BAZ1A: variants seen among roughly 807,000 people sequenced by gnomAD.
BAZ1A encodes bromodomain adjacent to zinc finger domain 1A, also known as bromodomain adjacent to zinc finger domain protein 1A.
A neutral mutation model predicts 185.2 loss-of-function variants in BAZ1A; 50 were observed. The observed-to-expected ratio is 0.27, with a 90% CI of 0.22 to 0.34. The LOEUF is 0.34. Among genes scored for constraint, BAZ1A ranks in the 10% least tolerant of loss-of-function variants. The probability of loss-of-function intolerance (pLI) is 1.00; values close to 1 mark genes in which losing one functional copy is unlikely to be tolerated. For synonymous variants in BAZ1A, 571 were observed against 615.6 expected, an observed-to-expected ratio of 0.93 and a Z score of 1.07; for missense variants, 1,356 against 1,839.9, an observed-to-expected ratio of 0.74 and a Z score of 4.81.
intron 21 of BAZ1A, chr14:34,771,297 C>T: frequency 2.0e-6 from 1 of 490,348 alleles, no homozygotes; most frequent in Non-Finnish European, 3.5e-6. Flanking sequence ...CTGTGCCTAG[C>T]TGGTAATCTT....
chr14:34,857,820 C>CG (rs1414878907), intron 3 of BAZ1A, among the ~76,000 whole-genome samples: 1 of 152,160 alleles, frequency 6.6e-6, no homozygotes, highest in Non-Finnish European at 1.5e-5. Flanking sequence ...GAGTTCTTGA[C>CG]ATGTTTGGTT....
intron 12 of BAZ1A, among the ~76,000 whole-genome samples, chr14:34,790,354 GTTTA>G (rs1368392021): frequency 1.3e-5 from 2 of 151,702 alleles, no homozygotes; most frequent in African/African-American, 4.8e-5. Flanking sequence ...TTATTTATTT[GTTTA>G]TTTATTTATT....
chr14:34,811,520 G>T (rs2041929994), intron 4 of BAZ1A, among the ~76,000 whole-genome samples: 1 of 151,890 alleles, frequency 6.6e-6, no homozygotes, highest in Non-Finnish European at 1.5e-5. Context: ...GAGTGCAATG[G>T]AATCATCAAA....
At chr14:34,845,850 ACT>A (rs1184511556) in intron 3 of BAZ1A, among the ~76,000 whole-genome samples, 1 of 130,680 alleles carries the variant, frequency 7.7e-6, no homozygotes, top group Non-Finnish European at 1.6e-5. Context: ...ACAGAGCAAG[ACT>A]CTGTCTCAAA....
At chr14:34,858,759 TAATAA>T (rs1407620924) in intron 3 of BAZ1A, among the ~76,000 whole-genome samples, 1 of 151,824 alleles carries the variant, frequency 6.6e-6, no homozygotes, top group Non-Finnish European at 1.5e-5. Flanking sequence ...AATTTTAAAA[TAATAA>T]AATAATTAAA....
At chr14:34,794,713 A>T in intron 11 of BAZ1A, 36 bp downstream of exon 11, 1 of 1,581,184 alleles carries the variant, frequency 6.3e-7, no homozygotes, top group Non-Finnish European at 8.6e-7. Context: ...TTTTAGGATG[A>T]ACTATAATGT....
chr14:34,853,823 T>C (rs143059702), intron 3 of BAZ1A, among the ~76,000 whole-genome samples: 20 of 152,054 alleles, frequency 1.3e-4, no homozygotes, highest in African/African-American at 4.1e-4. Context: ...TAAAAGTAAA[T>C]GAGACAATAA....
chr14:34,775,769 A>T, intron 18 of BAZ1A, 150 bp downstream of exon 18: 1 of 624,796 alleles, frequency 1.6e-6, no homozygotes. Context: ...TACATTCCCA[A>T]ACTCTAACTT....
At chr14:34,757,302 T>C (rs1022861085) in intron 25 of BAZ1A, among the ~76,000 whole-genome samples, 1 of 143,208 alleles carries the variant, frequency 7.0e-6, no homozygotes, top group Admixed American at 7.1e-5. Context: ...AAGGTGGAGG[T>C]TGTAGTGAGC....
intron 2 of BAZ1A, among the ~76,000 whole-genome samples, chr14:34,865,593 T>C (rs1428056291): frequency 6.6e-6 from 1 of 152,184 alleles, no homozygotes; most frequent in African/African-American, 2.4e-5. Flanking sequence ...AAAAGGTATC[T>C]ACGGAAATAA....
chr14:34,864,048 C>T (rs1316867489), intron 2 of BAZ1A, among the ~76,000 whole-genome samples: 1 of 152,014 alleles, frequency 6.6e-6, no homozygotes, highest in Non-Finnish European at 1.5e-5. Context: ...GTCTCAACTT[C>T]CTGGGCTCAA....
rs3062595 is a variant in BAZ1A, at chr14:34,863,849, A to ATTTT, written c.114-1531_114-1528dup. ...TTCTAAATAATTCTATATTGTTTGAATTTTTTTTCTTTTTTAAGAGAGTCT... is the reference window on the plus strand; with the variant it reads ...TTCTAAATAATTCTATATTGTTTGAATTTTTTTTTTTTCTTTTTTAAGAGAGTCT... On this transcript the variant is annotated intron_variant, in intron 2 of 26. Coordinates refer to ENST00000360310, the MANE Select transcript of BAZ1A (RefSeq NM_013448.3). 2.8e-4 allele frequency among the ~76,000 whole-genome samples: 42 copies of ATTTT among 151,422 alleles called. No individual in the cohort carries two copies. The South Asian group carries it at 3.1e-3, about 11-fold the overall frequency.
At position 34,807,486 on chromosome 14, in the gene BAZ1A, G is replaced by A. The variant is rs2041862494; in HGVS notation, c.691C>T (p.His231Tyr). ...ATGACTCCATCTTGTGGTTCACAGT[G>A]TTGCTTCAGAAAAAGCTTTAGTTTA... Reference protein sequence around the residue: ...RDKLKLFLKQHCEPQDGVIKI... With the variant: ...RDKLKLFLKQYCEPQDGVIKI... Residue 231 changes from histidine (H) to tyrosine (Y), a missense_variant, in exon 6 of 27, where the codon CAC (histidine) becomes TAC (tyrosine). Physicochemically the swap from His to Tyr is moderately conservative, Grantham distance 83. Around this residue, in one of 7 missense-constraint regions of BAZ1A, gnomAD observed 332 missense variants for 395.3 expected, o/e 0.84. Transcript: ENST00000360310. 1.2e-6 allele frequency: 2 copies of A among 1,612,442 alleles called. No homozygotes were observed. The highest frequency in any genetic ancestry group is 1.7e-6 in the Non-Finnish European group (2 of 1,179,060).
intron 13 of BAZ1A, 60 bp downstream of exon 13, chr14:34,786,066 G>A (rs569532761): frequency 1.3e-6 from 2 of 1,565,416 alleles, no homozygotes; most frequent in Non-Finnish European, 1.7e-6. Flanking sequence ...CAATGTAAAT[G>A]TGCCTTTATA....
chr14:34,794,770 A>G lies in BAZ1A; in HGVS notation c.1342T>C (p.Phe448Leu). The G allele has an allele frequency of 6.2e-7, 1 of 1,613,960 alleles. No individual in the cohort carries two copies. Among genetic ancestry groups the G allele is most frequent in the South Asian group, 1.1e-5 (1 of 91,066 alleles). Reference sequence around the variant, plus strand: ...TTGCCTAGGGTTACTCCATCAGGAAACTCATCTTGAAGATCAAAAAGTTCC... The same window carrying G: ...TTGCCTAGGGTTACTCCATCAGGAAGCTCATCTTGAAGATCAAAAAGTTCC... ...FGELFDLQDEFPDGVTLEVLE... is the reference protein window; with the variant it reads ...FGELFDLQDELPDGVTLEVLE... Residue 448 changes from phenylalanine (F) to leucine (L), a missense_variant, in exon 11 of 27, where the codon TTT (phenylalanine) becomes CTT (leucine). Around this residue, in one of 7 missense-constraint regions of BAZ1A, gnomAD observed 184 missense variants for 355.1 expected, o/e 0.52. Transcript: ENST00000360310.
In BAZ1A at chr14:34,864,482, T is replaced by C. The variant is rs1394947305; in HGVS notation, c.114-2160A>G. On this transcript the variant is annotated intron_variant, in intron 2 of 26. Transcript: ENST00000360310. ...TTAATGAGCATTACTCATATATCATTTTGCAATAATTTTTTTTAAATGGAG... is the reference window on the plus strand; with the variant it reads ...TTAATGAGCATTACTCATATATCATCTTGCAATAATTTTTTTTAAATGGAG... Among the ~76,000 whole-genome samples the C allele has an allele frequency of 3.3e-5, 5 of 150,274 alleles. No individual in the cohort carries two copies. In the Admixed American group the frequency reaches 3.3e-4, roughly 10 times the overall value.
chr14:34,775,305 T>C (rs1272116098), intron 18 of BAZ1A, among the ~76,000 whole-genome samples: 1 of 152,230 alleles, frequency 6.6e-6, no homozygotes, highest in Non-Finnish European at 1.5e-5. Flanking sequence ...AGCAATTCTT[T>C]TTAAAATTTT....
At chr14:34,853,199 C>A (rs1420329630) in intron 3 of BAZ1A, among the ~76,000 whole-genome samples, 2 of 152,188 alleles carry the variant, frequency 1.3e-5, no homozygotes, top group African/African-American at 2.4e-5. Context: ...GTTCCTGTCA[C>A]AAGACTTCTC....
At chr14:34,819,764 G>A (rs1340752770) in intron 4 of BAZ1A, among the ~76,000 whole-genome samples, 2 of 152,156 alleles carry the variant, frequency 1.3e-5, no homozygotes, top group Non-Finnish European at 2.9e-5. Context: ...TGAATGTAAA[G>A]TTTCCAATTC....
Sources: gnomAD v4.1 joint callset for allele counts (sites outside exome capture counted in the v4.1 genomes callset) on GRCh38, gnomAD v4.1.1 for gene constraint, gnomAD v4.1.1 regional missense constraint, MANE v1.5 for transcripts, NCBI Gene and HGNC (gene_info 2026-07-23, HGNC 2026-07-21) for gene names.